FLT1: variants seen among roughly 807,000 people sequenced by gnomAD.
FLT1 encodes the protein vascular endothelial growth factor receptor 1.
Under a neutral mutation model 156.3 loss-of-function variants are expected in FLT1, and 49 were observed. That is an observed-to-expected ratio of 0.31 (90% CI 0.25 to 0.40). FLT1 has a LOEUF of 0.40. Ranked by LOEUF, FLT1 falls within the 10% of genes least tolerant of loss-of-function variation. The pLI, the probability that FLT1 is intolerant of heterozygous loss-of-function variation, is 1.00. For synonymous variants in FLT1, 594 were observed against 583.8 expected (o/e 1.02, Z -0.25); for missense variants, 1,322 against 1,637.2 (o/e 0.81, Z 3.32).
chr13:28,327,320 T>C (rs1265413647), intron 20 of FLT1, 142 bp downstream of exon 20: 10 of 662,328 alleles, frequency 1.5e-5, no homozygotes, highest in Non-Finnish European at 1.1e-5. Flanking sequence ...GGAAAAAACA[T>C]GAAAAAAGGA....
At chr13:28,329,186 C>G (rs577831625) in intron 19 of FLT1, among the ~76,000 whole-genome samples, 1 of 152,308 alleles carries the variant, frequency 6.6e-6, no homozygotes, top group African/African-American at 2.4e-5. Flanking sequence ...TGGGTAAGGT[C>G]TATCTGCATG....
intron 14 of FLT1, among the ~76,000 whole-genome samples, chr13:28,365,654 A>T (rs1325575954): frequency 1.3e-5 from 2 of 152,142 alleles, no homozygotes; most frequent in Non-Finnish European, 1.5e-5. Flanking sequence ...GCTCAGCCAG[A>T]ACTCACTTAT....
Position 28,334,120 on chromosome 13 carries a change from A to C in FLT1, c.2498T>G (p.Leu833Arg), listed in dbSNP as rs1264474796. ...ARERLKLGKSLGRGAFGKVVQ... is the reference protein window; with the variant it reads ...ARERLKLGKSRGRGAFGKVVQ... ...CACTTTTCCAAAAGCCCCTCTTCCA[A>C]GTGATTTGCCTGTAATGAAGAGAAG... The change falls in exon 18 of 30, where the codon CTT becomes CGT. Residue 833 changes from leucine to arginine, a missense_variant. By Grantham distance (102) the Leu-to-Arg change is moderately radical (BLOSUM62 -2). This residue lies in a region of FLT1 where 991 missense variants were observed against 1,254.8 expected (regional missense o/e 0.79). Transcript: ENST00000282397. The C allele has an allele frequency of 1.2e-6, 2 of 1,611,338 alleles. No homozygotes were observed. The highest frequency in any genetic ancestry group is 1.7e-5 in the Admixed American group (1 of 60,008).
intron 16 of FLT1, among the ~76,000 whole-genome samples, chr13:28,342,431 C>T (rs570723655): frequency 6.6e-6 from 1 of 152,252 alleles, no homozygotes; most frequent in African/African-American, 2.4e-5. Context: ...ATGTATTTCC[C>T]TATATGGTGT....
chr13:28,464,974 G>C (rs193070490), intron 3 of FLT1, among the ~76,000 whole-genome samples: 1 of 151,992 alleles, frequency 6.6e-6, no homozygotes, highest in South Asian at 2.1e-4. Flanking sequence ...TAGAGACAGG[G>C]GCAGTCTGTG....
At chr13:28,326,508 ATCTC>A (rs1202124031) in intron 20 of FLT1, among the ~76,000 whole-genome samples, 1 of 146,752 alleles carries the variant, frequency 6.8e-6, no homozygotes, top group African/African-American at 2.5e-5. Context: ...CCATTCAATA[ATCTC>A]TCTCTCTCTT....
chr13:28,399,503 C>T (rs17086633), intron 11 of FLT1, among the ~76,000 whole-genome samples: 3,364 of 152,116 alleles, frequency 0.022, 46 homozygotes, highest in Non-Finnish European at 0.035. Flanking sequence ...AACTGGGTTT[C>T]GTGGCAAGGG....
In FLT1 at chr13:28,329,648, C is replaced by T. The variant is rs1871840610; in HGVS notation, c.2674G>A (p.Val892Ile). ...TTGGTGCAGGCTCCCAGCAGGTTAA[C>T]CACGTTCAGATGGTGGCCAATGTGG... ...LTHIGHHLNV[V>I]NLLGACTKQG... Residue 892 changes from valine (V) to isoleucine (I), a missense_variant, in exon 19 of 30, where the codon GTT becomes ATT. Coordinates refer to ENST00000282397, the MANE Select transcript of FLT1 (RefSeq NM_002019.4). 6.2e-7 allele frequency: 1 copy of T among 1,614,186 alleles called. No individual in the cohort carries two copies. The highest frequency in any genetic ancestry group is 8.5e-7 in the Non-Finnish European group (1 of 1,180,004).
At chr13:28,386,726 T>G (rs1874388750) in intron 13 of FLT1, 2 of 1,055,518 alleles carry the variant, frequency 1.9e-6, no homozygotes, top group African/African-American at 3.3e-5. Flanking sequence ...ATTTTGACAT[T>G]TTTTACATAG....
At chr13:28,366,506 G>A (rs988968518) in intron 14 of FLT1, among the ~76,000 whole-genome samples, 4 of 150,928 alleles carry the variant, frequency 2.7e-5, no homozygotes, top group Admixed American at 1.3e-4. Context: ...TTTTGCTCTT[G>A]TTATCCAGGC....
intron 4 of FLT1, among the ~76,000 whole-genome samples, chr13:28,435,728 T>C (rs1270887878): frequency 2.6e-5 from 4 of 152,248 alleles, no homozygotes; most frequent in Non-Finnish European, 4.4e-5. Flanking sequence ...TTCCAGGGAC[T>C]ATGCCTACAT....
chr13:28,305,230 T>C (rs1006462464), intron 29 of FLT1, among the ~76,000 whole-genome samples: 4 of 152,172 alleles, frequency 2.6e-5, no homozygotes, highest in Admixed American at 6.5e-5. Context: ...TGGTATCTTA[T>C]GGTAATTTCT....
chr13:28,445,234 T>C (rs1280411425), intron 3 of FLT1, among the ~76,000 whole-genome samples: 3 of 151,948 alleles, frequency 2.0e-5, no homozygotes, highest in Non-Finnish European at 4.4e-5. Flanking sequence ...CCCAGCACTT[T>C]GGGAGGCTGA....
Position 28,319,434 on chromosome 13 carries a change from A to G in FLT1, c.3275T>C (p.Ile1092Thr). The part of the protein sequence containing the change: ...VWSYGVLLWE[I>T]FSLGGSPYPG... ...TCTCCCAAATTTACCTAAGGAGAAG[A>G]TTTCCCACAGCAATACTCCGTAAGA... Residue 1092 changes from isoleucine (I) to threonine (T), a missense_variant, in exon 24 of 30, where the codon ATC becomes ACC. Transcript: ENST00000282397. 1 of 1,610,382 alleles carries G rather than the reference A, an allele frequency of 6.2e-7. No individual in the cohort carries two copies. The highest frequency in any genetic ancestry group is 8.5e-7 in the Non-Finnish European group (1 of 1,176,858).
Position 28,384,866 on chromosome 13 carries a change from A to G in FLT1, c.2116+19T>C. ...TGAAAGATGAGAAATAATAAATGGAAGAAAAAAAAGTCTCTTACCAGGCTC... is the reference window on the plus strand; with the variant it reads ...TGAAAGATGAGAAATAATAAATGGAGGAAAAAAAAGTCTCTTACCAGGCTC... On this transcript the variant is annotated intron_variant, in intron 14 of 29. Transcript: ENST00000282397. 1 of 1,612,228 alleles carries G rather than the reference A, an allele frequency of 6.2e-7. No homozygotes were observed. Among genetic ancestry groups the G allele is most frequent in the South Asian group, 1.1e-5 (1 of 91,018 alleles).
At position 28,357,669 on chromosome 13, in the gene FLT1, T is replaced by C; in HGVS notation, c.2133A>G (p.Pro711=). Residue 711 remains proline (P), a synonymous_variant, in exon 15 of 30, where the codon CCA becomes CCG. Transcript: ENST00000282397. ...IQQEPGIILG[P]GSSTLFIERV... ...TTTCAATAAACAGCGTGCTGCTTCC[T>C]GGTCCTAAAATAATTCCTGAGGGGT... is the stretch of plus-strand genomic sequence containing the variant. 6 of 1,613,902 alleles carry C rather than the reference T, an allele frequency of 3.7e-6. No individual in the cohort carries two copies. Among genetic ancestry groups the C allele is most frequent in the Non-Finnish European group, 4.2e-6 (5 of 1,179,860 alleles).
chr13:28,427,828 T>C lies in FLT1; in HGVS notation c.1200A>G (p.Ala400=). 1 of 1,613,880 alleles carries C rather than the reference T, an allele frequency of 6.2e-7. No individual in the cohort carries two copies. Among genetic ancestry groups the C allele is most frequent in the South Asian group, 1.1e-5 (1 of 91,082 alleles). ...LIIKDVTEED[A]GNYTILLSIK... The stretch of plus-strand genomic sequence containing the variant: ...TGCTCAGCAAGATTGTATAATTCCC[T>C]GCATCCTCTTCAGTTACGTCCTTGA... The change falls in exon 9 of 30, where the codon GCA becomes GCG. Residue 400 remains alanine (A), a synonymous_variant. Transcript: ENST00000282397.
rs542968175 is a variant in FLT1, at chr13:28,322,561, G to A, written c.2954-202C>T. Reference sequence around the variant, plus strand: ...ACTTTATCCAAGCATGGGGGCAGGGGGATGATCCATTAAGATGAAAATCCC... The same window carrying A: ...ACTTTATCCAAGCATGGGGGCAGGGAGATGATCCATTAAGATGAAAATCCC... On this transcript the variant is annotated intron_variant, in intron 21 of 29. Transcript: ENST00000282397. The surrounding 1 kb of genome is among the most constrained non-coding windows in gnomAD (Gnocchi z 4.3). 2.6e-4 allele frequency: 191 copies of A among 721,714 alleles called. No homozygotes were observed. Among genetic ancestry groups the A allele is most frequent in the African/African-American group, 2.1e-3 (121 of 57,562 alleles). The allele number at this position is 721,714 out of a possible 1,614,324, so 44.7% of individuals were successfully genotyped here.
rs148857331 is a variant in FLT1, at chr13:28,424,683, C to T, written c.1436+2476G>A. On this transcript the variant is annotated intron_variant, in intron 10 of 29. Transcript: ENST00000282397. ...AGCGAATGCTTTGGCCGTGGATATA[C>T]ATAGATACGCCCTTTCACTAGAGCC... Among the ~76,000 whole-genome samples, 888 of 152,302 alleles carry T rather than the reference C, an allele frequency of 5.8e-3. 14 individuals carry two copies. The highest frequency in any genetic ancestry group is 0.02 in the African/African-American group (846 of 41,570).
Sources: gnomAD v4.1 joint callset for allele counts (sites outside exome capture counted in the v4.1 genomes callset) on GRCh38, gnomAD v4.1.1 for gene constraint, gnomAD v4.1.1 regional missense constraint, Gnocchi (gnomAD v3.1) non-coding constraint, MANE v1.5 for transcripts, NCBI Gene and HGNC (gene_info 2026-07-23, HGNC 2026-07-21) for gene names.